Variants in NKAIN3 observed in about 807,000 individuals in gnomAD.
NKAIN3 encodes the protein sodium/potassium transporting ATPase interacting 3.
NKAIN3 carries 25 observed loss-of-function variants against 30.2 expected under a neutral mutation model. The ratio of observed to expected loss-of-function variants is 0.83; its 90% CI spans 0.60 to 1.16. The LOEUF is 1.16. Among genes scored for constraint, NKAIN3 ranks in the 50% most tolerant of loss-of-function variants. The pLI is 0.00. For missense variants in NKAIN3, 225 were observed against 254.1 expected (o/e 0.89, Z 0.78); for synonymous variants, 91 against 89.6 (o/e 1.02, Z -0.09).
intron 1 of NKAIN3, among the ~76,000 whole-genome samples, chr8:62,413,249 GT>G (rs1287087765): frequency 6.6e-6 from 1 of 152,160 alleles, no homozygotes. Context: ...TTTTCTTAGA[GT>G]TTAACATCTC....
At chr8:62,266,717 A>G (rs1489540564) in intron 1 of NKAIN3, among the ~76,000 whole-genome samples, 5 of 152,182 alleles carry the variant, frequency 3.3e-5, no homozygotes, top group African/African-American at 1.2e-4. Context: ...AGACAAGCTC[A>G]CCAGTGTGCC....
intron 4 of NKAIN3, among the ~76,000 whole-genome samples, chr8:62,896,768 G>T (rs1439284550): frequency 2.6e-5 from 4 of 152,176 alleles, no homozygotes; most frequent in Admixed American, 1.3e-4. Flanking sequence ...TTGCAGTCTA[G>T]TTGGGTCCTA....
At position 62,544,636 on chromosome 8, in the gene NKAIN3, A is replaced by C. The variant is rs1285138323; in HGVS notation, c.55-34903A>C. Among the ~76,000 whole-genome samples the C allele has an allele frequency of 4.0e-5, 6 of 151,008 alleles. No individual in the cohort carries two copies. The East Asian group carries it at 1.2e-3, about 29-fold the overall frequency. Reference sequence around the variant, plus strand: ...CCCTTTCAGCCCTATTATCCCCTAAAGTTCTTCAAAGTATAGCCTCTTTAA... The same window carrying C: ...CCCTTTCAGCCCTATTATCCCCTAACGTTCTTCAAAGTATAGCCTCTTTAA... On this transcript the variant is annotated intron_variant, in intron 1 of 6. Coordinates refer to ENST00000623646, the MANE Select transcript of NKAIN3 (RefSeq NM_001304533.3).
chr8:62,334,701 C>T (rs963849311), intron 1 of NKAIN3, among the ~76,000 whole-genome samples: 3 of 152,064 alleles, frequency 2.0e-5, no homozygotes, highest in Non-Finnish European at 2.9e-5. Flanking sequence ...TGTTATATAT[C>T]AGGATTCTGT....
chr8:62,846,458 C>T (rs1419466171), intron 4 of NKAIN3, among the ~76,000 whole-genome samples: 1 of 152,034 alleles, frequency 6.6e-6, no homozygotes, highest in African/African-American at 2.4e-5. Context: ...ATTAGCTATT[C>T]TTCCTGATGT....
At chr8:62,433,456 TACA>T (rs1428582161) in intron 1 of NKAIN3, among the ~76,000 whole-genome samples, 1 of 152,154 alleles carries the variant, frequency 6.6e-6, no homozygotes, top group African/African-American at 2.4e-5. Flanking sequence ...CAAGCAAAGT[TACA>T]ACAATTATTA....
At chr8:62,506,233 G>GGGT (rs1161114521) in intron 1 of NKAIN3, among the ~76,000 whole-genome samples, 1 of 147,514 alleles carries the variant, frequency 6.8e-6, no homozygotes, top group African/African-American at 2.5e-5. Context: ...AATATTGGGG[G>GGGT]GGGGGACATT....
intron 1 of NKAIN3, among the ~76,000 whole-genome samples, chr8:62,495,793 G>A (rs571320691): frequency 6.6e-6 from 1 of 152,150 alleles, no homozygotes; most frequent in African/African-American, 2.4e-5. Context: ...CTTTTGGATA[G>A]GAGAACTGAT....
At chr8:62,790,212 C>T (rs1426938188) in intron 4 of NKAIN3, among the ~76,000 whole-genome samples, 1 of 152,060 alleles carries the variant, frequency 6.6e-6, no homozygotes, top group East Asian at 1.9e-4. Flanking sequence ...AGACAAAAAC[C>T]ACATGATTAT....
intron 3 of NKAIN3, among the ~76,000 whole-genome samples, chr8:62,684,474 A>T (rs1327126751): frequency 2.0e-5 from 3 of 152,020 alleles, no homozygotes; most frequent in Non-Finnish European, 4.4e-5. Flanking sequence ...GTGTATGGGG[A>T]GTGAGAATAT....
At chr8:62,777,082 T>C (rs138766496) in intron 4 of NKAIN3, among the ~76,000 whole-genome samples, 10 of 152,332 alleles carry the variant, frequency 6.6e-5, no homozygotes, top group African/African-American at 2.4e-4. Flanking sequence ...CACTGGAGCT[T>C]CATTTCATGT....
At chr8:62,445,767 T>C (rs1805469361) in intron 1 of NKAIN3, among the ~76,000 whole-genome samples, 2 of 152,194 alleles carry the variant, frequency 1.3e-5, no homozygotes, top group Non-Finnish European at 2.9e-5. Context: ...ATCAAAAATC[T>C]ACCTTCAAAA....
intron 2 of NKAIN3, among the ~76,000 whole-genome samples, chr8:62,580,085 A>T (rs761383493): frequency 2.8e-4 from 43 of 152,236 alleles, no homozygotes; most frequent in Non-Finnish European, 5.6e-4. Flanking sequence ...TCTTTCTAGC[A>T]TAATTGTTTA....
chr8:62,374,113 C>CAAAAAAAAAAAAAAA (rs66521184), intron 1 of NKAIN3, among the ~76,000 whole-genome samples: 1 of 64,332 alleles, frequency 1.6e-5, no homozygotes, highest in Admixed American at 1.8e-4. Flanking sequence ...ACTCCATCTC[C>CAAAAAAAAAAAAAAA]AAAAAAAAAA....
At chr8:62,905,942 C>G (rs1563621515) in intron 4 of NKAIN3, among the ~76,000 whole-genome samples, 2 of 152,180 alleles carry the variant, frequency 1.3e-5, no homozygotes, top group Non-Finnish European at 2.9e-5. Context: ...TTGCTCTTTA[C>G]CTGAGAATTT....
intron 3 of NKAIN3, among the ~76,000 whole-genome samples, chr8:62,682,615 T>C (rs890493565): frequency 6.6e-6 from 1 of 152,112 alleles, no homozygotes; most frequent in African/African-American, 2.4e-5. Context: ...GGAAACGAAC[T>C]AGATGCTTTT....
chr8:62,277,499 G>A (rs147566714), intron 1 of NKAIN3, among the ~76,000 whole-genome samples: 8 of 152,150 alleles, frequency 5.3e-5, no homozygotes, highest in South Asian at 4.1e-4. Flanking sequence ...GGTGACTGAC[G>A]TCTCATGCGT....
intron 4 of NKAIN3, among the ~76,000 whole-genome samples, chr8:62,843,477 CAGGCACATGCCACCACACCT>C (rs1427500026): frequency 6.6e-6 from 1 of 151,854 alleles, no homozygotes; most frequent in Non-Finnish European, 1.5e-5. Context: ...GCTGGGACTA[CAGGCACATGCCACCACACCT>C]AGCTGATTTT....
intron 1 of NKAIN3, among the ~76,000 whole-genome samples, chr8:62,282,779 T>C (rs1233540912): frequency 6.6e-6 from 1 of 152,184 alleles, no homozygotes; most frequent in Admixed American, 6.6e-5. Flanking sequence ...TTCAAGTTTC[T>C]AGACCATATA....
Sources: gnomAD v4.1 joint callset for allele counts (sites outside exome capture counted in the v4.1 genomes callset) on GRCh38, gnomAD v4.1.1 for gene constraint, MANE v1.5 for transcripts, NCBI Gene and HGNC (gene_info 2026-07-23, HGNC 2026-07-21) for gene names.